Variants in PIK3R4 observed in about 807,000 individuals in gnomAD.
The protein encoded by PIK3R4 is phosphoinositide 3-kinase regulatory subunit 4.
Under a neutral mutation model 136.5 loss-of-function variants are expected in PIK3R4, and 46 were observed. The observed-to-expected ratio is 0.34, with a 90% CI of 0.27 to 0.43. PIK3R4 has a LOEUF of 0.43. Ranked by LOEUF, PIK3R4 falls within the 20% of genes least tolerant of loss-of-function variation. The pLI is 1.00. For synonymous variants in PIK3R4, 557 were observed against 566.7 expected (o/e 0.98, Z 0.24); for missense variants, 1,331 against 1,649.5 (o/e 0.81, Z 3.35).
rs1412718195 is a variant in PIK3R4 at position 130,744,210 on chromosome 3, C to T, written c.733+276G>A. ...GGAAGCATTATGAAAATATATTATC[C>T]ACCAATATCCCTAGCACTTAGGACA... On this transcript the variant is annotated intron_variant, in intron 2 of 19. Coordinates refer to ENST00000356763, the MANE Select transcript of PIK3R4 (RefSeq NM_014602.3). 3.3e-5 allele frequency among the ~76,000 whole-genome samples: 5 copies of T among 152,178 alleles called. 1 individual carries two copies. Among genetic ancestry groups the T allele is most frequent in the Admixed American group, 2.6e-4 (4 of 15,274 alleles).
intron 6 of PIK3R4, among the ~76,000 whole-genome samples, chr3:130,727,611 G>A (rs147823226): frequency 2.6e-4 from 40 of 152,296 alleles, no homozygotes; most frequent in African/African-American, 9.1e-4. Context: ...AAACTTTTCG[G>A]GTTAACAGAT....
At chr3:130,713,208 G>A (rs2066642229) in intron 9 of PIK3R4, among the ~76,000 whole-genome samples, 1 of 152,198 alleles carries the variant, frequency 6.6e-6, no homozygotes, top group Non-Finnish European at 1.5e-5. Flanking sequence ...AGAGTTTCTG[G>A]CCTGCTCTCC....
chr3:130,701,677 A>C (rs1213706117), intron 13 of PIK3R4, among the ~76,000 whole-genome samples: 9 of 152,172 alleles, frequency 5.9e-5, no homozygotes, highest in Admixed American at 5.9e-4. Flanking sequence ...ATTATTTGTC[A>C]GAACTCATGG....
intron 6 of PIK3R4, among the ~76,000 whole-genome samples, chr3:130,727,864 T>G (rs141285283): frequency 2.6e-4 from 39 of 152,234 alleles, no homozygotes; most frequent in African/African-American, 8.9e-4. Flanking sequence ...AAATGTAATA[T>G]AAGTCATGCA....
intron 4 of PIK3R4, 131 bp downstream of exon 4, chr3:130,733,417 A>C (rs2066769013): frequency 3.2e-6 from 2 of 625,886 alleles, no homozygotes; most frequent in Admixed American, 5.9e-5. Context: ...ATATTATCAA[A>C]ATGTACACAA....
In PIK3R4 at chr3:130,708,457, T is replaced by A. The variant is rs374505373; in HGVS notation, c.2367A>T (p.Ala789=). 1.2e-5 allele frequency: 19 copies of A among 1,613,180 alleles called. No homozygotes were observed. Among genetic ancestry groups the A allele is most frequent in the Non-Finnish European group, 1.5e-5 (18 of 1,179,356 alleles). The stretch of plus-strand genomic sequence containing the variant: ...TAGATTTCATCATGAAGTCTTTCAG[T>A]GCCAGAAGTTTGTCTTCCTCTTCCT... ...MTEEEEDKLL[A]LKDFMMKSNK... The change falls in exon 10 of 20, where the codon GCA becomes GCT. Residue 789 remains alanine (A), a synonymous_variant. Transcript: ENST00000356763.
chr3:130,739,731 T>TA (rs2066809919), intron 2 of PIK3R4, among the ~76,000 whole-genome samples: 1 of 151,840 alleles, frequency 6.6e-6, no homozygotes, highest in Non-Finnish European at 1.5e-5. Context: ...TGAAAAAAAA[T>TA]AAAAAACTAT....
At chr3:130,711,835 G>C (rs2107610540) in intron 9 of PIK3R4, among the ~76,000 whole-genome samples, 1 of 152,252 alleles carries the variant, frequency 6.6e-6, no homozygotes, top group Admixed American at 6.5e-5. Context: ...CCTGGCCGGA[G>C]GGCAGGGATT....
chr3:130,708,439 C>A lies in PIK3R4; in HGVS notation c.2385G>T (p.Met795Ile). 1 of 1,613,608 alleles carries A rather than the reference C, an allele frequency of 6.2e-7. No individual in the cohort carries two copies. The highest frequency in any genetic ancestry group is 8.5e-7 in the Non-Finnish European group (1 of 1,179,616). The change falls in exon 10 of 20, where the codon ATG becomes ATT. Residue 795 changes from methionine to isoleucine, a missense_variant. Met to Ile is a conservative substitution (Grantham distance 10). Coordinates refer to ENST00000356763, the MANE Select transcript of PIK3R4 (RefSeq NM_014602.3). Reference protein sequence around the residue: ...DKLLALKDFMMKSNKAKANIV... With the variant: ...DKLLALKDFMIKSNKAKANIV... ...TATTGGCCTTTGCTTTATTAGATTT[C>A]ATCATGAAGTCTTTCAGTGCCAGAA... is the stretch of plus-strand genomic sequence containing the variant.
chr3:130,696,321 CTCT>C (rs2066546331), intron 13 of PIK3R4, among the ~76,000 whole-genome samples: 1 of 150,792 alleles, frequency 6.6e-6, no homozygotes, highest in Non-Finnish European at 1.5e-5. Context: ...TTTAAGTTTG[CTCT>C]TCTTCTAGTT....
At position 130,705,599 on chromosome 3, in the gene PIK3R4, A is replaced by G. The variant is rs1000705837; in HGVS notation, c.2894T>C (p.Met965Thr). The G allele has an allele frequency of 1.2e-6, 2 of 1,613,776 alleles. No individual in the cohort carries two copies. The highest frequency in any genetic ancestry group is 1.1e-5 in the South Asian group (1 of 91,068). The stretch of plus-strand genomic sequence containing the variant: ...TTTACTCTCCCATTCAGCATTTTCC[A>G]TCATCTGCTTAGCTATTCTCTCAGC... Reference protein sequence around the residue: ...CNAERIAKQMMENAEWESKPP... With the variant: ...CNAERIAKQMTENAEWESKPP... The change falls in exon 12 of 20, where the codon ATG (methionine) becomes ACG (threonine). Residue 965 changes from methionine (M) to threonine (T), a missense_variant. Transcript: ENST00000356763.
At chr3:130,701,298 G>A (rs1290869237) in intron 13 of PIK3R4, among the ~76,000 whole-genome samples, 2 of 151,986 alleles carry the variant, frequency 1.3e-5, no homozygotes, top group East Asian at 3.9e-4. Context: ...GATCACTTGA[G>A]GTCAGGAGTT....
chr3:130,723,479 A>G lies in PIK3R4; in HGVS notation c.1916T>C (p.Leu639Pro). The change falls in exon 7 of 20, where the codon CTT (leucine) becomes CCT (proline). Residue 639 changes from leucine (L) to proline (P), a missense_variant. By Grantham distance (98) the Leu-to-Pro change is moderately conservative (BLOSUM62 -3). Transcript: ENST00000356763. ...EFVIVKALYA[L>P]TCMCQLGLLQ... The stretch of plus-strand genomic sequence containing the variant: ...CAGTCCTAACTGGCACATACAAGTA[A>G]GGGCATAAAGAGCTTTCACAATGAC... 5 of 1,613,878 alleles carry G rather than the reference A, an allele frequency of 3.1e-6. No individual in the cohort carries two copies. Among genetic ancestry groups the G allele is most frequent in the Non-Finnish European group, 4.2e-6 (5 of 1,179,826 alleles).
At position 130,692,167 on chromosome 3, in the gene PIK3R4, A is replaced by C. The variant is rs371557323; in HGVS notation, c.3099-1513T>G. On this transcript the variant is annotated intron_variant, in intron 13 of 19. Transcript: ENST00000356763. Reference sequence around the variant, plus strand: ...TGGGATTACAGGTGTGAGCCACCACACCTGGCCTAGTTGTTTTTCTTAATA... The same window carrying C: ...TGGGATTACAGGTGTGAGCCACCACCCCTGGCCTAGTTGTTTTTCTTAATA... Among the ~76,000 whole-genome samples, 32 of 151,982 alleles carry C rather than the reference A, an allele frequency of 2.1e-4. 1 individual carries two copies. In the East Asian group the frequency reaches 3.5e-3, roughly 17 times the overall value.
intron 18 of PIK3R4, 111 bp from the exon 19 acceptor site, chr3:130,680,832 T>C (rs1373320505): frequency 1.4e-5 from 11 of 795,952 alleles, no homozygotes; most frequent in Non-Finnish European, 2.2e-5. Flanking sequence ...GGAAAAGAGG[T>C]TTTCATAGAA....
At chr3:130,730,253 A>G in intron 5 of PIK3R4, 55 bp downstream of exon 5, 1 of 1,381,948 alleles carries the variant, frequency 7.2e-7, no homozygotes, top group Non-Finnish European at 1.0e-6. Flanking sequence ...TTTACAAGTT[A>G]GCATCAGCAA....
chr3:130,709,849 T>C (rs2066625053), intron 9 of PIK3R4, among the ~76,000 whole-genome samples: 1 of 152,056 alleles, frequency 6.6e-6, no homozygotes, highest in African/African-American at 2.4e-5. Context: ...AGAAAGCAGA[T>C]TAGTGATTGC....
intron 19 of PIK3R4, 72 bp from the exon 20 acceptor site, chr3:130,679,557 C>A (rs1201862627): frequency 2.0e-6 from 2 of 1,010,612 alleles, no homozygotes; most frequent in Non-Finnish European, 1.5e-6. Flanking sequence ...CGTCAGTAGT[C>A]CTGCTTCTGA....
At chr3:130,700,135 C>T (rs188005030) in intron 13 of PIK3R4, among the ~76,000 whole-genome samples, 451 of 152,290 alleles carry the variant, frequency 3.0e-3, no homozygotes, top group South Asian at 5.6e-3. Flanking sequence ...TTGCCCCTCT[C>T]TTCCTGTTCC....
Sources: gnomAD v4.1 joint callset for allele counts (sites outside exome capture counted in the v4.1 genomes callset) on GRCh38, gnomAD v4.1.1 for gene constraint, MANE v1.5 for transcripts, NCBI Gene and HGNC (gene_info 2026-07-23, HGNC 2026-07-21) for gene names.